The following RBMS3 variants were observed in gnomAD, a reference collection of about 807,000 sequenced individuals.
RBMS3 encodes the protein RNA binding motif single stranded interacting protein 3.
Under a neutral mutation model 66.8 loss-of-function variants are expected in RBMS3, and 27 were observed. The observed-to-expected ratio is 0.40, with a 90% CI of 0.30 to 0.56. The LOEUF is 0.56. Among genes scored for constraint, RBMS3 ranks in the 20% least tolerant of loss-of-function variants. The pLI is 0.40. For synonymous variants in RBMS3, 188 were observed against 183.0 expected (o/e 1.03, Z -0.22); for missense variants, 513 against 549.5 (o/e 0.93, Z 0.66).
chr3:29,644,098 A>T (rs1407901755), intron 4 of RBMS3, among the ~76,000 whole-genome samples: 2 of 152,196 alleles, frequency 1.3e-5, no homozygotes, highest in East Asian at 3.9e-4. Flanking sequence ...GAATCCAAAC[A>T]TTTGAATCTA....
chr3:29,342,742 C>T (rs573353411), intron 1 of RBMS3, among the ~76,000 whole-genome samples: 111 of 152,184 alleles, frequency 7.3e-4, no homozygotes, highest in African/African-American at 2.4e-3. Flanking sequence ...AAAACCTATA[C>T]GTAGTGGTTG....
At chr3:29,369,035 A>G (rs959796191) in intron 1 of RBMS3, among the ~76,000 whole-genome samples, 7 of 152,150 alleles carry the variant, frequency 4.6e-5, no homozygotes, top group Admixed American at 3.9e-4. Flanking sequence ...AGCTGAAGCC[A>G]TTATCCTCAG....
At chr3:29,905,922 A>G (rs1223187139) in intron 10 of RBMS3, among the ~76,000 whole-genome samples, 1 of 152,146 alleles carries the variant, frequency 6.6e-6, no homozygotes, top group African/African-American at 2.4e-5. Flanking sequence ...TTGTTTCTCA[A>G]AAATTTTTCT....
At chr3:29,818,588 A>G (rs900149669) in intron 6 of RBMS3, among the ~76,000 whole-genome samples, 2 of 152,136 alleles carry the variant, frequency 1.3e-5, no homozygotes, top group South Asian at 4.1e-4. Flanking sequence ...ATTTATGAAT[A>G]CTATAAAACT....
At position 29,952,579 on chromosome 3, in the gene RBMS3, A is replaced by T. The variant is rs146600688; in HGVS notation, c.1098+8325A>T. The stretch of plus-strand genomic sequence containing the variant: ...CAACTTAGACTACTACTATATACAC[A>T]TTTTTTTTACTTTTCTGCTTAAAAT... On this transcript the variant is annotated intron_variant, in intron 12 of 14. Transcript: ENST00000383767. Among the ~76,000 whole-genome samples, 708 of 151,562 alleles carry T rather than the reference A, an allele frequency of 4.7e-3. 5 individuals carry two copies. The highest frequency in any genetic ancestry group is 0.016 in the African/African-American group (661 of 41,374).
At chr3:29,346,396 C>CTTTTTTT (rs34803214) in intron 1 of RBMS3, among the ~76,000 whole-genome samples, 94 of 59,988 alleles carry the variant, frequency 1.6e-3, no homozygotes, top group South Asian at 2.2e-3. Context: ...GCAATTCATT[C>CTTTTTTT]TTTTTTTTTT....
intron 4 of RBMS3, among the ~76,000 whole-genome samples, chr3:29,675,034 T>C (rs2051181647): frequency 6.6e-6 from 1 of 152,134 alleles, no homozygotes; most frequent in African/African-American, 2.4e-5. Flanking sequence ...AAAAACAGCA[T>C]GGTACTGGTA....
chr3:29,356,758 A>G (rs936747061), intron 1 of RBMS3, among the ~76,000 whole-genome samples: 8 of 152,174 alleles, frequency 5.3e-5, no homozygotes, highest in African/African-American at 1.9e-4. Flanking sequence ...GGATGTGTGC[A>G]TATATTCAGA....
chr3:29,622,741 C>T (rs887524684), intron 4 of RBMS3, among the ~76,000 whole-genome samples: 1 of 152,224 alleles, frequency 6.6e-6, no homozygotes, highest in African/African-American at 2.4e-5. Context: ...CCCCAGTTCA[C>T]ATTCCAACTC....
intron 1 of RBMS3, among the ~76,000 whole-genome samples, chr3:29,355,370 A>G (rs1459998265): frequency 6.6e-6 from 1 of 152,152 alleles, no homozygotes; most frequent in African/African-American, 2.4e-5. Flanking sequence ...GAGGTGATAC[A>G]GAAAAACAAC....
At chr3:29,555,314 AC>A in intron 3 of RBMS3, among the ~76,000 whole-genome samples, 1 of 152,302 alleles carries the variant, frequency 6.6e-6, no homozygotes, top group East Asian at 1.9e-4. Context: ...TCACTATGTG[AC>A]ATTTCGCAGA....
At position 29,898,273 on chromosome 3, in the gene RBMS3, G is replaced by A. The variant is rs757427501; in HGVS notation, c.888+798G>A. ...GAAAACGCCTATATATATGCTGCAC[G>A]TAGAAAGTGTCTAGTGTCATTTCTT... On this transcript the variant is annotated intron_variant, in intron 9 of 14. Coordinates refer to ENST00000383767, the MANE Select transcript of RBMS3 (RefSeq NM_001003793.3). Among the ~76,000 whole-genome samples, 8 of 151,772 alleles carry A rather than the reference G, an allele frequency of 5.3e-5. No individual in the cohort carries two copies. The South Asian group carries it at 1.0e-3, about 20-fold the overall frequency.
At chr3:29,997,482 C>T (rs938694524) in intron 14 of RBMS3, among the ~76,000 whole-genome samples, 1 of 147,482 alleles carries the variant, frequency 6.8e-6, no homozygotes, top group Non-Finnish European at 1.5e-5. Context: ...GAATTTGAGA[C>T]CGATATCCTT....
intron 5 of RBMS3, among the ~76,000 whole-genome samples, chr3:29,751,685 T>G (rs1343182552): frequency 6.6e-6 from 1 of 152,190 alleles, no homozygotes; most frequent in Non-Finnish European, 1.5e-5. Flanking sequence ...TCTTAAAGAT[T>G]TACTCAAATC....
intron 6 of RBMS3, among the ~76,000 whole-genome samples, chr3:29,834,638 A>C (rs2058459931): frequency 6.6e-6 from 1 of 152,090 alleles, no homozygotes; most frequent in African/African-American, 2.4e-5. Flanking sequence ...GTAGATACAC[A>C]AAAAATAAAG....
intron 1 of RBMS3, among the ~76,000 whole-genome samples, chr3:29,433,382 TG>T (rs1395892561): frequency 6.6e-6 from 1 of 152,174 alleles, no homozygotes; most frequent in South Asian, 2.1e-4. Context: ...ATTTTGTTTT[TG>T]GGTAGCATTT....
At chr3:29,894,638 T>C (rs1438200688) in intron 8 of RBMS3, among the ~76,000 whole-genome samples, 2 of 151,440 alleles carry the variant, frequency 1.3e-5, no homozygotes, top group South Asian at 2.1e-4. Context: ...ACAGTAGGGG[T>C]TAGAGCTTCA....
intron 4 of RBMS3, among the ~76,000 whole-genome samples, chr3:29,671,611 A>G (rs1216907517): frequency 6.6e-6 from 1 of 152,254 alleles, no homozygotes; most frequent in Non-Finnish European, 1.5e-5. Flanking sequence ...GTTGAAAACC[A>G]TGGCACAAGA....
chr3:29,837,333 G>C (rs1013446794), intron 6 of RBMS3, among the ~76,000 whole-genome samples: 8 of 151,478 alleles, frequency 5.3e-5, no homozygotes. Context: ...GTTTTACTGT[G>C]GATTATTTTC....
Sources: allele counts gnomAD v4.1 joint callset (sites outside exome capture counted in the v4.1 genomes callset), GRCh38; gene constraint gnomAD v4.1.1; transcripts MANE v1.5; gene names NCBI Gene and HGNC (gene_info 2026-07-23, HGNC 2026-07-21).